The following THSD4 variants were observed in gnomAD, a reference collection of about 807,000 sequenced individuals.
THSD4 encodes thrombospondin type 1 domain containing 4.
In THSD4, 69 loss-of-function variants were observed where a neutral mutation model predicts 119.0. That is an observed-to-expected ratio of 0.58 (90% CI 0.48 to 0.71). The LOEUF is 0.71. THSD4 is among the 30% of genes least tolerant of loss of function. The pLI is 0.00. For missense variants in THSD4, 1,393 were observed against 1,391.1 expected, an observed-to-expected ratio of 1.00 and a Z score of -0.02; for synonymous variants, 524 against 540.4, an observed-to-expected ratio of 0.97 and a Z score of 0.42.
At chr15:71,767,089 C>A in intron 16 of THSD4, 1 of 151,952 alleles carries the variant, frequency 6.6e-6, no homozygotes, top group East Asian at 1.9e-4. Flanking sequence ...ATGAATTTGT[C>A]AAAACTGATA....
chr15:71,539,700 CGTTTTCT>C (rs1474678793), intron 7 of THSD4, among the ~76,000 whole-genome samples: 1 of 152,128 alleles, frequency 6.6e-6, no homozygotes, highest in Non-Finnish European at 1.5e-5. Context: ...TTCTCCTCTG[CGTTTTCT>C]GTTTTCTGGT....
At chr15:71,616,414 A>G (rs2140919549) in intron 7 of THSD4, among the ~76,000 whole-genome samples, 1 of 152,308 alleles carries the variant, frequency 6.6e-6, no homozygotes, top group African/African-American at 2.4e-5. Flanking sequence ...GCCTTCATAA[A>G]CTAGAACATA....
At chr15:71,162,635 A>C (rs1489339044) in intron 3 of THSD4, among the ~76,000 whole-genome samples, 1 of 152,014 alleles carries the variant, frequency 6.6e-6, no homozygotes, top group African/African-American at 2.4e-5. Flanking sequence ...ATCTCACTGA[A>C]GACCTTTGAC....
chr15:71,303,033 A>G (rs2044974194), intron 6 of THSD4, among the ~76,000 whole-genome samples: 1 of 151,876 alleles, frequency 6.6e-6, no homozygotes, highest in African/African-American at 2.4e-5. Context: ...GTCTGCATGT[A>G]TGAGTTGTGT....
chr15:71,156,647 C>T (rs1019915572), intron 3 of THSD4, among the ~76,000 whole-genome samples: 6 of 152,114 alleles, frequency 3.9e-5, no homozygotes, highest in Admixed American at 6.5e-5. Flanking sequence ...CTAAACATGA[C>T]CCTTCTTGGG....
At chr15:71,341,244 C>A (rs761092589) in intron 6 of THSD4, 3 of 1,595,118 alleles carry the variant, frequency 1.9e-6, no homozygotes, top group Non-Finnish European at 1.7e-6. Flanking sequence ...GGTTTAGGAA[C>A]AATCTGTTCC....
chr15:71,117,044 C>A lies in THSD4; in HGVS notation c.-80+1346C>A, dbSNP rs138268201. 3.3e-4 allele frequency among the ~76,000 whole-genome samples: 50 copies of A among 152,054 alleles called. No homozygotes were observed. In the East Asian group the frequency reaches 6.4e-3, roughly 20 times the overall value. On this transcript the variant is annotated intron_variant, in intron 1 of 17. Transcript: ENST00000261862. ...CCTGGGACTTTCCTATAAATCTCTG[C>A]AGGGCTGGAGCAGGGATTTCCCAGA...
chr15:71,131,397 TA>T (rs1043454480), intron 1 of THSD4, among the ~76,000 whole-genome samples: 1 of 151,148 alleles, frequency 6.6e-6, no homozygotes, highest in African/African-American at 2.4e-5. Flanking sequence ...AAAGAGCTCT[TA>T]AAAATCATTT....
At chr15:71,106,965 G>A (rs889239795) in intron 1 of THSD4, among the ~76,000 whole-genome samples, 15 of 152,094 alleles carry the variant, frequency 9.9e-5, no homozygotes, top group Admixed American at 6.6e-4. Flanking sequence ...GTGAAATCTC[G>A]TCCCTGAAGG....
Position 71,148,407 on chromosome 15 carries a change from G to T in THSD4, c.30-6456G>T, listed in dbSNP as rs943761255. 2.6e-5 allele frequency among the ~76,000 whole-genome samples: 4 copies of T among 152,248 alleles called. No individual in the cohort carries two copies. In the South Asian group the frequency reaches 8.3e-4, roughly 32 times the overall value. On this transcript the variant is annotated intron_variant, in intron 2 of 17. Coordinates refer to ENST00000261862, the MANE Select transcript of THSD4 (RefSeq NM_024817.3). ...TGTGCGCCGAAGACCTCCACCTTGG[G>T]CTGCACAAATTGATTGATATTCACC...
At chr15:71,683,173 T>C (rs2141034997) in intron 8 of THSD4, among the ~76,000 whole-genome samples, 1 of 152,132 alleles carries the variant, frequency 6.6e-6, no homozygotes, top group East Asian at 1.9e-4. Context: ...CTGCCTACCT[T>C]GACCTCCCAA....
chr15:71,435,359 G>T (rs772894796), intron 7 of THSD4, among the ~76,000 whole-genome samples: 1 of 152,132 alleles, frequency 6.6e-6, no homozygotes, highest in Non-Finnish European at 1.5e-5. Context: ...CATTGTTTTA[G>T]ATCTGATTTC....
At chr15:71,626,661 G>A (rs1396273444) in intron 7 of THSD4, among the ~76,000 whole-genome samples, 2 of 152,066 alleles carry the variant, frequency 1.3e-5, no homozygotes, top group Non-Finnish European at 2.9e-5. Context: ...GATTTTATCC[G>A]ATTTTGTACT....
At chr15:71,687,091 C>T (rs193081429) in intron 8 of THSD4, among the ~76,000 whole-genome samples, 15 of 152,150 alleles carry the variant, frequency 9.9e-5, no homozygotes, top group African/African-American at 3.6e-4. Flanking sequence ...ATCACGCTTC[C>T]TTCCAACATT....
chr15:71,156,184 G>T (rs897264092), intron 3 of THSD4, among the ~76,000 whole-genome samples: 3 of 152,100 alleles, frequency 2.0e-5, no homozygotes, highest in African/African-American at 7.2e-5. Context: ...ATCAAATTCA[G>T]ACTCCTGAGA....
At chr15:71,543,785 T>C (rs1263926492) in intron 7 of THSD4, among the ~76,000 whole-genome samples, 1 of 152,172 alleles carries the variant, frequency 6.6e-6, no homozygotes, top group African/African-American at 2.4e-5. Flanking sequence ...CCCAGCACTT[T>C]GGCAGGCCAA....
chr15:71,737,614 T>C, intron 10 of THSD4, 118 bp from the exon 11 acceptor site: 1 of 1,364,738 alleles, frequency 7.3e-7, no homozygotes, highest in African/African-American at 1.5e-5. Context: ...TGTGCTTATG[T>C]GCTGTGACTT....
intron 16 of THSD4, among the ~76,000 whole-genome samples, chr15:71,765,580 G>T (rs545852638): frequency 2.0e-5 from 3 of 152,274 alleles, no homozygotes; most frequent in South Asian, 4.2e-4. Context: ...TGCCATAGAG[G>T]ATTGAGGATT....
chr15:71,778,085 C>G lies in THSD4; in HGVS notation c.*711C>G, dbSNP rs1394657346. 2 of 152,372 alleles carry G rather than the reference C, an allele frequency of 1.3e-5. No homozygotes were observed. The highest frequency in any genetic ancestry group is 4.8e-5 in the African/African-American group (2 of 41,438). The allele number at this position is 152,372 out of a possible 1,614,324, so 9.4% of individuals were successfully genotyped here. On this transcript the variant is annotated 3_prime_UTR_variant, in exon 18 of 18. Transcript: ENST00000261862. Reference sequence around the variant, plus strand: ...GTAATTGACCTGCCAGGTATATTCACCCATCCAGTGGAAGAGCTGAGTCCC... The same window carrying G: ...GTAATTGACCTGCCAGGTATATTCAGCCATCCAGTGGAAGAGCTGAGTCCC...
Sources: allele counts gnomAD v4.1 joint callset (sites outside exome capture counted in the v4.1 genomes callset), GRCh38; gene constraint gnomAD v4.1.1; transcripts MANE v1.5; gene names NCBI Gene and HGNC (gene_info 2026-07-23, HGNC 2026-07-21).